RXFP1: variants seen among roughly 807,000 people sequenced by gnomAD.
RXFP1 encodes relaxin receptor 1.
A neutral mutation model predicts 89.8 loss-of-function variants in RXFP1; 73 were observed. That is an observed-to-expected ratio of 0.81 (90% CI 0.67 to 0.99). The LOEUF (loss-of-function observed/expected upper bound fraction) is 0.99, where lower values mean the gene tolerates loss of function less well. Among genes scored for constraint, RXFP1 ranks in the 50% least tolerant of loss-of-function variants. The probability of loss-of-function intolerance (pLI) is 0.00; values close to 1 mark genes in which losing one functional copy is unlikely to be tolerated. For missense variants in RXFP1, 793 were observed against 895.5 expected, an observed-to-expected ratio of 0.89 and a Z score of 1.46; for synonymous variants, 277 against 305.5, an observed-to-expected ratio of 0.91 and a Z score of 0.97.
intron 2 of RXFP1, among the ~76,000 whole-genome samples, chr4:158,578,678 A>T (rs1167497867): frequency 6.6e-6 from 1 of 152,172 alleles, no homozygotes; most frequent in Admixed American, 6.5e-5. Context: ...GCTCCCCCTC[A>T]TGGTTACACT....
At chr4:158,619,060 G>A (rs1015964300) in intron 9 of RXFP1, among the ~76,000 whole-genome samples, 10 of 151,328 alleles carry the variant, frequency 6.6e-5, no homozygotes, top group African/African-American at 2.2e-4. Context: ...TAGAAGACAT[G>A]GAAAAGAATG....
At chr4:158,634,135 G>A (rs538206410) in intron 12 of RXFP1, among the ~76,000 whole-genome samples, 58 of 152,178 alleles carry the variant, frequency 3.8e-4, no homozygotes, top group African/African-American at 1.1e-3. Flanking sequence ...TTACATTTCC[G>A]CTAGTAGTAT....
chr4:158,631,515 T>C (rs1383173606), intron 11 of RXFP1, among the ~76,000 whole-genome samples: 2 of 152,214 alleles, frequency 1.3e-5, no homozygotes, highest in African/African-American at 2.4e-5. Context: ...TATGATGTTA[T>C]ATGTGCTATA....
intron 1 of RXFP1, among the ~76,000 whole-genome samples, chr4:158,537,434 CAG>C (rs1745536973): frequency 6.6e-6 from 1 of 152,064 alleles, no homozygotes; most frequent in South Asian, 2.1e-4. Flanking sequence ...TTTGAGAAAA[CAG>C]GGTCTTGGTG....
At chr4:158,545,461 CTGT>C (rs1030714381) in intron 1 of RXFP1, among the ~76,000 whole-genome samples, 10 of 152,088 alleles carry the variant, frequency 6.6e-5, no homozygotes, top group Non-Finnish European at 1.2e-4. Context: ...TAATTATATC[CTGT>C]TTGTCAATTT....
At chr4:158,571,024 A>G (rs1033912059) in intron 1 of RXFP1, among the ~76,000 whole-genome samples, 1 of 152,164 alleles carries the variant, frequency 6.6e-6, no homozygotes, top group African/African-American at 2.4e-5. Context: ...ATCTCAGCTT[A>G]AATGACACCA....
intron 1 of RXFP1, among the ~76,000 whole-genome samples, chr4:158,559,471 G>C (rs542403405): frequency 6.6e-6 from 1 of 152,268 alleles, no homozygotes; most frequent in South Asian, 2.1e-4. Flanking sequence ...CACAGATCTA[G>C]AAAGGTGACA....
At chr4:158,542,096 TATATATATATA>T (rs1422250729) in intron 1 of RXFP1, among the ~76,000 whole-genome samples, 5 of 44,086 alleles carry the variant, frequency 1.1e-4, no homozygotes, top group East Asian at 8.1e-4. Context: ...TATATATATA[TATATATATATA>T]TATTTTTTTT....
intron 2 of RXFP1, among the ~76,000 whole-genome samples, chr4:158,592,442 C>T (rs537452381): frequency 3.0e-4 from 45 of 152,038 alleles, no homozygotes; most frequent in African/African-American, 5.8e-4. Context: ...GGCGTGGTGG[C>T]GGGTGCCTGG....
intron 2 of RXFP1, among the ~76,000 whole-genome samples, chr4:158,589,699 A>G (rs1759041317): frequency 6.6e-6 from 1 of 152,138 alleles, no homozygotes; most frequent in Non-Finnish European, 1.5e-5. Context: ...GAACACACAC[A>G]AATGTCCCAG....
At chr4:158,644,714 C>A (rs899719288) in intron 14 of RXFP1, among the ~76,000 whole-genome samples, 195 bp from the exon 15 acceptor site, 1 of 152,226 alleles carries the variant, frequency 6.6e-6, no homozygotes, top group African/African-American at 2.4e-5. Context: ...CTCACCCACA[C>A]ATTCTTTAAC....
rs370397653 is a variant in RXFP1, at chr4:158,612,398, G to A, written c.680+36G>A. 1.7e-4 allele frequency: 247 copies of A among 1,412,082 alleles called. 2 individuals carry two copies. The African/African-American group carries it at 3.4e-3, about 19-fold the overall frequency. 87.5% of individuals were successfully genotyped at this position (1,412,082 alleles called of 1,614,324 possible). On this transcript the variant is annotated intron_variant, in intron 8 of 17. Transcript: ENST00000307765. ...AACTAAAGCAAATATTTCAATCAAA[G>A]GCAAAGACATGAATAAAAATTAATG...
chr4:158,577,571 A>C (rs1756511550), intron 2 of RXFP1, among the ~76,000 whole-genome samples: 1 of 152,152 alleles, frequency 6.6e-6, no homozygotes, highest in African/African-American at 2.4e-5. Flanking sequence ...TTAATGAAAG[A>C]GTTTTTTCTT....
chr4:158,571,613 G>T (rs1666510146), intron 1 of RXFP1, among the ~76,000 whole-genome samples: 1 of 152,110 alleles, frequency 6.6e-6, no homozygotes, highest in Non-Finnish European at 1.5e-5. Context: ...AGTGAGCCAA[G>T]ATTGTGCCGT....
chr4:158,593,663 C>T (rs567017618), intron 3 of RXFP1, among the ~76,000 whole-genome samples, 164 bp downstream of exon 3: 2 of 152,216 alleles, frequency 1.3e-5, no homozygotes, highest in East Asian at 3.9e-4. Context: ...TTTCTAATTG[C>T]AAATTCTATT....
At position 158,638,171 on chromosome 4, in the gene RXFP1, G is replaced by T. The variant is rs1769587014; in HGVS notation, c.1043+92G>T. On this transcript the variant is annotated intron_variant, in intron 13 of 17. Coordinates refer to ENST00000307765, the MANE Select transcript of RXFP1 (RefSeq NM_021634.4). ...TTTATATATTTACTTCAAATCATAA[G>T]CTTTATTTCCAAGACATTAGTTTAG... 4.2e-6 allele frequency: 3 copies of T among 720,188 alleles called. No homozygotes were observed. The East Asian group carries it at 8.8e-5, about 21-fold the overall frequency. The allele number at this position is 720,188 out of a possible 1,614,324, so 44.6% of individuals were successfully genotyped here. A position where few individuals can be genotyped will look rare whatever the true frequency, so the allele number is the denominator to read the frequency against.
At chr4:158,632,570 G>A (rs1404481053) in intron 11 of RXFP1, among the ~76,000 whole-genome samples, 1 of 152,138 alleles carries the variant, frequency 6.6e-6, no homozygotes, top group Non-Finnish European at 1.5e-5. Flanking sequence ...TACCACGAGA[G>A]GTGCTGCTGT....
At chr4:158,622,985 G>A (rs1406155537) in intron 9 of RXFP1, among the ~76,000 whole-genome samples, 1 of 152,080 alleles carries the variant, frequency 6.6e-6, no homozygotes, top group Non-Finnish European at 1.5e-5. Flanking sequence ...GTTTTTAAAA[G>A]TATGTCATGT....
intron 1 of RXFP1, among the ~76,000 whole-genome samples, chr4:158,532,681 A>C (rs1425624155): frequency 6.6e-6 from 1 of 152,098 alleles, no homozygotes; most frequent in Non-Finnish European, 1.5e-5. Flanking sequence ...CAGCTAATCC[A>C]CACACTTCTC....
Sources: gnomAD v4.1 joint callset for allele counts (sites outside exome capture counted in the v4.1 genomes callset) on GRCh38, gnomAD v4.1.1 for gene constraint, MANE v1.5 for transcripts, NCBI Gene and HGNC (gene_info 2026-07-23, HGNC 2026-07-21) for gene names.